Variants in FAM222A observed in about 807,000 individuals in gnomAD.
FAM222A encodes the protein family with sequence similarity 222 member A.
A neutral mutation model predicts 25.8 loss-of-function variants in FAM222A; 7 were observed. The ratio of observed to expected loss-of-function variants is 0.27; its 90% confidence interval spans 0.15 to 0.51. The LOEUF (loss-of-function observed/expected upper bound fraction) is 0.51, where lower values mean the gene tolerates loss of function less well. Among genes scored for constraint, FAM222A ranks in the 20% least tolerant of loss-of-function variants. The probability of loss-of-function intolerance (pLI) is 0.97; values close to 1 mark genes in which losing one functional copy is unlikely to be tolerated. For missense variants in FAM222A, 573 were observed against 640.5 expected, an observed-to-expected ratio of 0.89 and a Z score of 1.14; for synonymous variants, 294 against 298.8, an observed-to-expected ratio of 0.98 and a Z score of 0.17.
chr12:109,730,647 G>A (rs1011372493), intron 1 of FAM222A, among the ~76,000 whole-genome samples: 2 of 152,194 alleles, frequency 1.3e-5, no homozygotes, highest in African/African-American at 2.4e-5. Context: ...TTGCGTGGGC[G>A]TGTGTCTGGT....
intron 2 of FAM222A, among the ~76,000 whole-genome samples, chr12:109,746,314 C>T (rs1415557249): frequency 6.6e-6 from 1 of 151,998 alleles, no homozygotes; most frequent in East Asian, 1.9e-4. Flanking sequence ...CATAGTGAAA[C>T]CCCAACTCTA....
chr12:109,761,595 T>G (rs996622634), intron 2 of FAM222A, among the ~76,000 whole-genome samples: 1 of 152,116 alleles, frequency 6.6e-6, no homozygotes, highest in African/African-American at 2.4e-5. Context: ...CCTGCGAGGG[T>G]GTAGTAAGTT....
At chr12:109,732,383 G>T (rs79545836) in intron 1 of FAM222A, among the ~76,000 whole-genome samples, 15,016 of 152,314 alleles carry the variant, frequency 0.099, 816 homozygotes, top group Middle Eastern at 0.23. Context: ...CTGTGCATTT[G>T]GGGAGTGTCT....
At chr12:109,764,611 CAAAAATA>C (rs1888989752) in intron 2 of FAM222A, among the ~76,000 whole-genome samples, 3 of 152,164 alleles carry the variant, frequency 2.0e-5, no homozygotes, top group Admixed American at 2.0e-4. Flanking sequence ...TTAAGAGGAA[CAAAAATA>C]CATACAGATA....
chr12:109,740,302 T>G (rs1888204320), intron 1 of FAM222A, among the ~76,000 whole-genome samples: 1 of 152,178 alleles, frequency 6.6e-6, no homozygotes, highest in African/African-American at 2.4e-5. Flanking sequence ...ATAAGGCGTC[T>G]TATCAGCCCC....
intron 2 of FAM222A, among the ~76,000 whole-genome samples, chr12:109,755,181 G>GTTTTTGT (rs938781287): frequency 1.5e-4 from 22 of 149,848 alleles, no homozygotes; most frequent in African/African-American, 5.4e-4. Flanking sequence ...TATTTTTGGT[G>GTTTTTGT]TTTTTGTCTA....
intron 2 of FAM222A, among the ~76,000 whole-genome samples, chr12:109,766,622 A>C (rs962554392): frequency 2.0e-5 from 3 of 152,208 alleles, no homozygotes; most frequent in Non-Finnish European, 2.9e-5. Context: ...GTGAGGAAGG[A>C]AGGCATACGG....
chr12:109,768,592 G>C lies in FAM222A; in HGVS notation c.663G>C (p.Gln221His). Residue 221 changes from glutamine to histidine, a missense_variant, in exon 3 of 3, where the codon CAG becomes CAC. Physicochemically the swap from Gln to His is conservative, Grantham distance 24. Coordinates refer to ENST00000538780, the MANE Select transcript of FAM222A (RefSeq NM_032829.3). ...CGGGCGCCGCACCCCCTGCCTGCCA[G>C]GGCATGGCTATTCCCCATCCCAGCC... The part of the protein sequence containing the change: ...QAPGAAPPAC[Q>H]GMAIPHPSPA... 6.2e-7 allele frequency: 1 copy of C among 1,604,162 alleles called. No homozygotes were observed. Among genetic ancestry groups the C allele is most frequent in the Non-Finnish European group, 8.5e-7 (1 of 1,178,406 alleles).
At chr12:109,730,576 G>C (rs929461533) in intron 1 of FAM222A, among the ~76,000 whole-genome samples, 1 of 152,190 alleles carries the variant, frequency 6.6e-6, no homozygotes, top group Non-Finnish European at 1.5e-5. Context: ...GAAGCAGCCT[G>C]TCCTCGGAAG....
intron 2 of FAM222A, among the ~76,000 whole-genome samples, chr12:109,752,400 G>T (rs934804145): frequency 7.9e-5 from 12 of 152,384 alleles, no homozygotes; most frequent in Middle Eastern, 3.4e-3. Flanking sequence ...TCAGTGCCTG[G>T]ACGCTAAGTC....
chr12:109,725,511 C>T (rs752489221), intron 1 of FAM222A, among the ~76,000 whole-genome samples: 29 of 149,382 alleles, frequency 1.9e-4, no homozygotes, highest in African/African-American at 3.2e-4. Flanking sequence ...AGCCGGGCCC[C>T]GAGCGGGGGT....
chr12:109,763,952 G>T (rs957099193), intron 2 of FAM222A, among the ~76,000 whole-genome samples: 1 of 152,090 alleles, frequency 6.6e-6, no homozygotes, highest in East Asian at 1.9e-4. Flanking sequence ...GGGTGCCGTG[G>T]CATCTCAAAG....
intron 1 of FAM222A, among the ~76,000 whole-genome samples, chr12:109,736,234 T>A (rs181426780): frequency 2.5e-3 from 380 of 152,308 alleles, no homozygotes; most frequent in Middle Eastern, 3.4e-3. Flanking sequence ...CAAGTCTCCA[T>A]GTGGTGGCCT....
At position 109,769,123 on chromosome 12, in the gene FAM222A, C is replaced by T; in HGVS notation, c.1194C>T (p.Asn398=). ...GCCTGCCCAGCAAGAGTGTGTGCAACACATCGGTGCTGAGCAGCAGCCTGC... is the reference window on the plus strand; with the variant it reads ...GCCTGCCCAGCAAGAGTGTGTGCAATACATCGGTGCTGAGCAGCAGCCTGC... The part of the protein sequence containing the change: ...LSGLPSKSVC[N]TSVLSSSLQS... Residue 398 remains asparagine, a synonymous_variant, in exon 3 of 3, where the codon AAC becomes AAT. Coordinates refer to ENST00000538780, the MANE Select transcript of FAM222A (RefSeq NM_032829.3). 1 of 1,611,938 alleles carries T rather than the reference C, an allele frequency of 6.2e-7. No homozygotes were observed. Among genetic ancestry groups the T allele is most frequent in the South Asian group, 1.1e-5 (1 of 90,856 alleles).
At chr12:109,745,157 T>C (rs1353428064) in intron 2 of FAM222A, among the ~76,000 whole-genome samples, 1 of 152,244 alleles carries the variant, frequency 6.6e-6, no homozygotes, top group Non-Finnish European at 1.5e-5. Flanking sequence ...AGGGGGTCCA[T>C]GTCGTCAGCT....
At chr12:109,761,410 C>T (rs1172029787) in intron 2 of FAM222A, among the ~76,000 whole-genome samples, 1 of 152,206 alleles carries the variant, frequency 6.6e-6, no homozygotes, top group African/African-American at 2.4e-5. Context: ...CCCCTCCCCC[C>T]ATCCTAAATC....
chr12:109,720,773 G>A (rs968155218), intron 1 of FAM222A, among the ~76,000 whole-genome samples: 6 of 152,178 alleles, frequency 3.9e-5, no homozygotes, highest in South Asian at 2.1e-4. Context: ...GAGAGGCCTC[G>A]AGTGCACCCC....
intron 2 of FAM222A, among the ~76,000 whole-genome samples, chr12:109,748,312 AG>A (rs1888459754): frequency 6.8e-6 from 1 of 147,724 alleles, no homozygotes. Context: ...CTCGTCAAAG[AG>A]ATTGTTCTTT....
chr12:109,744,940 C>T (rs575961822), intron 2 of FAM222A: 26 of 255,234 alleles, frequency 1.0e-4, no homozygotes, highest in East Asian at 5.3e-4. Flanking sequence ...CAGGTCACCG[C>T]GGTCCCCACC....
Sources: allele counts gnomAD v4.1 joint callset (sites outside exome capture counted in the v4.1 genomes callset), GRCh38; gene constraint gnomAD v4.1.1; transcripts MANE v1.5; gene names NCBI Gene and HGNC (gene_info 2026-07-23, HGNC 2026-07-21).